Variants in KLF12 observed in about 807,000 individuals in gnomAD.
The protein encoded by KLF12 is KLF transcription factor 12, also known as Krueppel-like factor 12.
A neutral mutation model predicts 37.8 loss-of-function variants in KLF12; 9 were observed. That is an observed-to-expected ratio of 0.24 (90% CI 0.14 to 0.42). KLF12 has a LOEUF of 0.42. Among genes scored for constraint, KLF12 ranks in the 10% least tolerant of loss-of-function variants. KLF12 has a pLI of 1.00. For synonymous variants in KLF12, 208 were observed against 202.1 expected (o/e 1.03, Z -0.25); for missense variants, 411 against 516.0 (o/e 0.80, Z 1.97).
At chr13:73,954,556 A>G (rs925502261) in intron 2 of KLF12, among the ~76,000 whole-genome samples, 1 of 152,240 alleles carries the variant, frequency 6.6e-6, no homozygotes, top group African/African-American at 2.4e-5. Flanking sequence ...AGTTAGGACT[A>G]AAAGATTATT....
chr13:73,810,485 C>T (rs1882869494), intron 5 of KLF12, among the ~76,000 whole-genome samples: 1 of 151,960 alleles, frequency 6.6e-6, no homozygotes, highest in Non-Finnish European at 1.5e-5. Flanking sequence ...GGCCAGGATG[C>T]TCTTGATCTC....
chr13:74,136,422 A>G (rs755096698), upstream of KLF12, among the ~76,000 whole-genome samples: 11 of 152,240 alleles, frequency 7.2e-5, no homozygotes, highest in Non-Finnish European at 1.3e-4. Flanking sequence ...TTCAACGAGA[A>G]ACTTGCCTCT....
At chr13:73,981,174 A>G (rs1360872608) in intron 2 of KLF12, among the ~76,000 whole-genome samples, 1 of 152,142 alleles carries the variant, frequency 6.6e-6, no homozygotes, top group Non-Finnish European at 1.5e-5. Flanking sequence ...ACAAACAAAC[A>G]AACAAAAAAC....
intron 3 of KLF12, among the ~76,000 whole-genome samples, chr13:73,870,176 G>A (rs1241846100): frequency 6.6e-6 from 1 of 152,090 alleles, no homozygotes; most frequent in Admixed American, 6.5e-5. Context: ...TCACTGTGAC[G>A]TCATCAAGCA....
rs572757336 is a variant in KLF12 at position 73,743,351 on chromosome 13, T to C, written c.869+21587A>G. On this transcript the variant is annotated intron_variant, in intron 6 of 7. Transcript: ENST00000377669. ...GTTATTACTCACTTTTACAGAATATTGACAGAGGGGTTTAACATTACTTCT... is the reference window on the plus strand; with the variant it reads ...GTTATTACTCACTTTTACAGAATATCGACAGAGGGGTTTAACATTACTTCT... 1.7e-4 allele frequency among the ~76,000 whole-genome samples: 26 copies of C among 152,370 alleles called. No homozygotes were observed. The East Asian group carries it at 2.9e-3, about 17-fold the overall frequency.
the KLF12 span, among the ~76,000 whole-genome samples, chr13:74,284,054 T>C: frequency 6.6e-6 from 1 of 152,016 alleles, no homozygotes; most frequent in Non-Finnish European, 1.5e-5. Context: ...AGATGGAGTT[T>C]CACCGTGTTA....
intron 3 of KLF12, among the ~76,000 whole-genome samples, chr13:73,864,107 G>C (rs17061611): frequency 0.011 from 1,657 of 152,188 alleles, 82 homozygotes; most frequent in Admixed American, 0.082. Context: ...TAACTGGGGA[G>C]TTAAAAATTC....
rs146250676 is a variant in KLF12 at position 73,707,944 on chromosome 13, G to A, written c.1027+7424C>T. 4.6e-5 allele frequency among the ~76,000 whole-genome samples: 7 copies of A among 152,258 alleles called. No individual in the cohort carries two copies. In the East Asian group the frequency reaches 7.7e-4, roughly 17 times the overall value. On this transcript the variant is annotated intron_variant, in intron 7 of 7. Transcript: ENST00000377669. ...TTAGGATCGCTATGTGTGGAGGGGC[G>A]TGTGTACATATGTGTGTGTGCATTC... is the stretch of plus-strand genomic sequence containing the variant.
chr13:73,909,809 T>A (rs1456096211), intron 3 of KLF12, among the ~76,000 whole-genome samples: 1 of 152,216 alleles, frequency 6.6e-6, no homozygotes, highest in African/African-American at 2.4e-5. Context: ...CACTTTTCCA[T>A]TTTGTCCAAA....
intron 3 of KLF12, among the ~76,000 whole-genome samples, chr13:73,940,344 C>A (rs1300515656): frequency 6.6e-6 from 1 of 152,102 alleles, no homozygotes; most frequent in Admixed American, 6.5e-5. Context: ...TACCGACAAG[C>A]AAGAAAACCG....
intron 4 of KLF12, among the ~76,000 whole-genome samples, chr13:73,836,213 T>C (rs2138617382): frequency 6.6e-6 from 1 of 152,274 alleles, no homozygotes; most frequent in Admixed American, 6.5e-5. Context: ...AAATATCAAT[T>C]AGTTGTTTTC....
intron 3 of KLF12, among the ~76,000 whole-genome samples, chr13:73,904,897 T>C (rs1888203814): frequency 6.6e-6 from 1 of 151,954 alleles, no homozygotes; most frequent in African/African-American, 2.4e-5. Flanking sequence ...AATACCAGGC[T>C]TGTCAGACTA....
the KLF12 span, among the ~76,000 whole-genome samples, chr13:74,239,210 T>C: frequency 2.6e-5 from 4 of 151,936 alleles, no homozygotes; most frequent in African/African-American, 9.7e-5. Flanking sequence ...CCAGTAGTCA[T>C]TCAGGAGCAG....
chr13:74,214,318 T>C, the KLF12 span, among the ~76,000 whole-genome samples: 3 of 151,898 alleles, frequency 2.0e-5, no homozygotes, highest in East Asian at 3.9e-4. Context: ...TGTGTACTAG[T>C]TTCACTCTAG....
chr13:74,137,837 T>G (rs1270900822), upstream of KLF12, among the ~76,000 whole-genome samples: 4 of 152,240 alleles, frequency 2.6e-5, no homozygotes, highest in Non-Finnish European at 5.9e-5. Context: ...TTCGGCTCAC[T>G]GCAACCTCCG....
the KLF12 span, among the ~76,000 whole-genome samples, chr13:74,150,181 T>C: frequency 1.3e-5 from 2 of 152,186 alleles, no homozygotes; most frequent in Non-Finnish European, 2.9e-5. Flanking sequence ...AATATAGAAA[T>C]ACAGTTGATG....
At chr13:73,958,222 T>A (rs949204778) in intron 2 of KLF12, among the ~76,000 whole-genome samples, 2 of 152,176 alleles carry the variant, frequency 1.3e-5, no homozygotes, top group Non-Finnish European at 2.9e-5. Flanking sequence ...GTATTTTGAT[T>A]ACACTGGGTT....
intron 1 of KLF12, among the ~76,000 whole-genome samples, chr13:74,041,174 C>T (rs764636354): frequency 6.6e-6 from 1 of 152,186 alleles, no homozygotes; most frequent in Non-Finnish European, 1.5e-5. Context: ...TCAAATACCT[C>T]ACAGAAATCC....
At chr13:73,841,194 A>AC (rs1884715893) in intron 4 of KLF12, among the ~76,000 whole-genome samples, 1 of 152,176 alleles carries the variant, frequency 6.6e-6, no homozygotes, top group Non-Finnish European at 1.5e-5. Flanking sequence ...GTAAATGCAC[A>AC]CTGCATATCG....
Sources: allele counts gnomAD v4.1 joint callset (sites outside exome capture counted in the v4.1 genomes callset), GRCh38; gene constraint gnomAD v4.1.1; transcripts MANE v1.5; gene names NCBI Gene and HGNC (gene_info 2026-07-23, HGNC 2026-07-21).